The following MSI2 variants were observed in gnomAD, a reference collection of about 807,000 sequenced individuals.
MSI2 encodes RNA-binding protein Musashi homolog 2.
In MSI2, 17 loss-of-function variants were observed where a neutral mutation model predicts 45.6. That is an observed-to-expected ratio of 0.37 (90% CI 0.26 to 0.56). The LOEUF is 0.56. MSI2 is among the 20% of genes least tolerant of loss of function. The pLI is 0.77. For synonymous variants in MSI2, 156 were observed against 158.2 expected (o/e 0.99, Z 0.11); for missense variants, 293 against 444.2 (o/e 0.66, Z 3.06).
chr17:57,319,293 A>G (rs1913126171), intron 5 of MSI2, among the ~76,000 whole-genome samples: 1 of 152,164 alleles, frequency 6.6e-6, no homozygotes, highest in Admixed American at 6.5e-5. Context: ...AAGGAAGCTG[A>G]GATTCAGAGA....
intron 5 of MSI2, among the ~76,000 whole-genome samples, chr17:57,362,477 C>T (rs1264899176): frequency 1.3e-5 from 2 of 152,156 alleles, no homozygotes; most frequent in East Asian, 3.8e-4. Flanking sequence ...TAATATCTGA[C>T]CCAATTCTGT....
intron 5 of MSI2, chr17:57,278,719 C>T: frequency 6.5e-6 from 1 of 154,398 alleles, no homozygotes; most frequent in Non-Finnish European, 1.4e-5. Context: ...GATACATGTG[C>T]AGGATGTGCA....
intron 9 of MSI2, among the ~76,000 whole-genome samples, chr17:57,621,474 A>G (rs1908285068): frequency 6.6e-6 from 1 of 152,242 alleles, no homozygotes; most frequent in Admixed American, 6.5e-5. Context: ...AGTACCTACT[A>G]AGTGCCAGGC....
chr17:57,510,490 C>T lies in MSI2; in HGVS notation c.406-19186C>T, dbSNP rs531414062. On this transcript the variant is annotated intron_variant, in intron 6 of 13. Coordinates refer to ENST00000284073, the MANE Select transcript of MSI2 (RefSeq NM_138962.4). ...TCGCCCAAGCTGGAGTGCAATGGCA[C>T]GATCTCGGCTCACTGCAACCTCCGC... Among the ~76,000 whole-genome samples, 67 of 151,988 alleles carry T rather than the reference C, an allele frequency of 4.4e-4. 1 individual carries two copies. The highest frequency in any genetic ancestry group is 1.8e-3 in the Admixed American group (27 of 15,282).
intron 12 of MSI2, among the ~76,000 whole-genome samples, chr17:57,675,402 T>C (rs2144752487): frequency 6.6e-6 from 1 of 152,330 alleles, no homozygotes; most frequent in East Asian, 1.9e-4. Context: ...TTGAGCCACT[T>C]CGATAACCCG....
At chr17:57,388,680 T>G (rs8070061) in intron 5 of MSI2, among the ~76,000 whole-genome samples, 78,541 of 152,006 alleles carry the variant, frequency 0.52, 23,354 homozygotes, top group South Asian at 0.69. Flanking sequence ...TTTTGGAGAC[T>G]TCTTGCTTTG....
chr17:57,462,035 C>T (rs76064820), intron 6 of MSI2, among the ~76,000 whole-genome samples: 8,478 of 152,234 alleles, frequency 0.056, 259 homozygotes, highest in African/African-American at 0.064. Context: ...GATAAGGGTG[C>T]GGGCAGGGTT....
At chr17:57,480,932 A>G (rs904888751) in intron 6 of MSI2, among the ~76,000 whole-genome samples, 3 of 152,222 alleles carry the variant, frequency 2.0e-5, no homozygotes, top group African/African-American at 2.4e-5. Flanking sequence ...GCATGCAGTG[A>G]AAGGAGTGGG....
At chr17:57,585,358 A>G (rs946080497) in intron 7 of MSI2, among the ~76,000 whole-genome samples, 6 of 152,222 alleles carry the variant, frequency 3.9e-5, no homozygotes, top group African/African-American at 1.4e-4. Flanking sequence ...TTTGACTGAT[A>G]GGAGGGGCTA....
chr17:57,321,798 C>T (rs1913364676), intron 5 of MSI2, among the ~76,000 whole-genome samples: 1 of 151,940 alleles, frequency 6.6e-6, no homozygotes, highest in Non-Finnish European at 1.5e-5. Context: ...TGGATTTAAA[C>T]AAATTTTTTT....
chr17:57,556,880 C>T (rs1360081982), intron 7 of MSI2, among the ~76,000 whole-genome samples: 1 of 152,130 alleles, frequency 6.6e-6, no homozygotes, highest in African/African-American at 2.4e-5. Context: ...GTTTACCCTC[C>T]CAAATTAATA....
intron 5 of MSI2, among the ~76,000 whole-genome samples, chr17:57,369,236 C>A (rs1412921055): frequency 6.6e-6 from 1 of 152,202 alleles, no homozygotes; most frequent in Non-Finnish European, 1.5e-5. Flanking sequence ...GCCACCCTGT[C>A]AGCTATGCCA....
chr17:57,581,756 C>G (rs76096841), intron 7 of MSI2, among the ~76,000 whole-genome samples: 1 of 152,124 alleles, frequency 6.6e-6, no homozygotes, highest in East Asian at 1.9e-4. Context: ...CCAAATGCTC[C>G]TAATGATCTG....
chr17:57,406,474 G>A (rs1259106115), intron 6 of MSI2, among the ~76,000 whole-genome samples: 2 of 152,160 alleles, frequency 1.3e-5, no homozygotes, highest in Non-Finnish European at 2.9e-5. Context: ...GTCCCGGATG[G>A]AGCCGTTCCG....
intron 5 of MSI2, among the ~76,000 whole-genome samples, chr17:57,389,218 C>T (rs547093749): frequency 6.0e-4 from 92 of 152,246 alleles, no homozygotes; most frequent in African/African-American, 2.2e-3. Context: ...ACCTCATGAT[C>T]CGCCTGCCTC....
At chr17:57,592,133 C>T (rs1904891351) in intron 7 of MSI2, among the ~76,000 whole-genome samples, 2 of 150,636 alleles carry the variant, frequency 1.3e-5, no homozygotes, top group Admixed American at 1.3e-4. Context: ...GATCGCGCCA[C>T]TGCACTCCAA....
At chr17:57,506,817 A>G (rs2086239495) in intron 6 of MSI2, among the ~76,000 whole-genome samples, 1 of 152,162 alleles carries the variant, frequency 6.6e-6, no homozygotes, top group Non-Finnish European at 1.5e-5. Context: ...CCAGGGTTAG[A>G]CAGGGCGTCT....
At chr17:57,582,795 A>G (rs2088239303) in intron 7 of MSI2, among the ~76,000 whole-genome samples, 1 of 152,240 alleles carries the variant, frequency 6.6e-6, no homozygotes, top group African/African-American at 2.4e-5. Context: ...AAATGGGTTC[A>G]AAATCCACTG....
intron 9 of MSI2, among the ~76,000 whole-genome samples, chr17:57,622,515 C>T (rs1908402248): frequency 1.3e-5 from 2 of 152,134 alleles, no homozygotes; most frequent in Admixed American, 1.3e-4. Flanking sequence ...TTCACCCTAG[C>T]AGGCCCAGAA....
Sources: gnomAD v4.1 joint callset for allele counts (sites outside exome capture counted in the v4.1 genomes callset) on GRCh38, gnomAD v4.1.1 for gene constraint, MANE v1.5 for transcripts, NCBI Gene and HGNC (gene_info 2026-07-23, HGNC 2026-07-21) for gene names.